Variants in USH2A observed in about 807,000 individuals in gnomAD.
USH2A encodes the protein Usher syndrome 2A (autosomal recessive, mild).
A neutral mutation model predicts 538.9 loss-of-function variants in USH2A; 443 were observed. The observed-to-expected ratio is 0.82, with a 90% CI of 0.76 to 0.89. The LOEUF (loss-of-function observed/expected upper bound fraction) is 0.89. Ranked by LOEUF, USH2A falls within the 40% of genes least tolerant of loss-of-function variation. The probability of loss-of-function intolerance (pLI) is 0.00; values close to 1 mark genes in which losing one functional copy is unlikely to be tolerated. For synonymous variants in USH2A, 2,413 were observed against 2,273.5 expected (o/e 1.06, Z -1.75); for missense variants, 6,633 against 6,324.8 (o/e 1.05, Z -1.65).
At chr1:216,022,506 C>A (rs1482571306) in intron 32 of USH2A, among the ~76,000 whole-genome samples, 2 of 152,188 alleles carry the variant, frequency 1.3e-5, no homozygotes, top group Middle Eastern at 3.4e-3. Context: ...ATTCTGAGAG[C>A]CTTGGCTAGT....
intron 40 of USH2A, among the ~76,000 whole-genome samples, 184 bp downstream of exon 40, chr1:215,899,891 C>T (rs773904700): frequency 9.2e-5 from 14 of 152,134 alleles, no homozygotes; most frequent in Admixed American, 2.6e-4. Flanking sequence ...CCCTCCAAGA[C>T]CACATTATTC....
chr1:216,165,232 A>G (rs1382937372), intron 21 of USH2A, among the ~76,000 whole-genome samples: 1 of 152,186 alleles, frequency 6.6e-6, no homozygotes, highest in Non-Finnish European at 1.5e-5. Flanking sequence ...ACCTATTGCA[A>G]TAAGCCCTAA....
chr1:216,239,529 T>C (rs1303339189), intron 13 of USH2A, among the ~76,000 whole-genome samples: 4 of 152,204 alleles, frequency 2.6e-5, no homozygotes, highest in Admixed American at 2.0e-4. Flanking sequence ...AGAAATGATC[T>C]GAAGACTTGT....
intron 3 of USH2A, among the ~76,000 whole-genome samples, chr1:216,389,010 A>G (rs1571770192): frequency 6.6e-6 from 1 of 152,240 alleles, no homozygotes; most frequent in South Asian, 2.1e-4. Context: ...AATATTAAAA[A>G]TAGTGACAGA....
chr1:215,788,390 C>T (rs899395500), intron 51 of USH2A, among the ~76,000 whole-genome samples: 1 of 152,130 alleles, frequency 6.6e-6, no homozygotes, highest in African/African-American at 2.4e-5. Flanking sequence ...CAATTGTCCC[C>T]TCTTGCGCCT....
chr1:215,818,498 C>A (rs939618359), intron 47 of USH2A, among the ~76,000 whole-genome samples: 1 of 151,182 alleles, frequency 6.6e-6, no homozygotes, highest in Non-Finnish European at 1.5e-5. Flanking sequence ...AATATGTTTA[C>A]ATTGTCATGT....
intron 21 of USH2A, among the ~76,000 whole-genome samples, chr1:216,154,516 T>C (rs2033900760): frequency 6.6e-6 from 1 of 152,182 alleles, no homozygotes; most frequent in Admixed American, 6.5e-5. Context: ...GGAGAATATT[T>C]TATTAATTTT....
At chr1:216,418,736 T>A in intron 2 of USH2A, 57 bp from the exon 3 acceptor site, 1 of 1,594,242 alleles carries the variant, frequency 6.3e-7, no homozygotes, top group Non-Finnish European at 8.6e-7. Flanking sequence ...AAAGACATGC[T>A]AAGGTATTGT....
intron 32 of USH2A, among the ~76,000 whole-genome samples, chr1:216,022,417 C>G (rs1161128456): frequency 1.3e-5 from 2 of 152,126 alleles, no homozygotes; most frequent in African/African-American, 4.8e-5. Context: ...AGCCCATGCA[C>G]TGGAAAACAT....
intron 69 of USH2A, among the ~76,000 whole-genome samples, chr1:215,635,313 A>G (rs984006015): frequency 5.9e-5 from 9 of 152,180 alleles, no homozygotes; most frequent in African/African-American, 2.2e-4. Context: ...TCAGCAAACC[A>G]TCACCCAAAT....
At chr1:215,794,417 G>A (rs1188597957) in intron 50 of USH2A, among the ~76,000 whole-genome samples, 1 of 152,164 alleles carries the variant, frequency 6.6e-6, no homozygotes, top group Admixed American at 6.5e-5. Context: ...GCTTAGGAAC[G>A]ATATTATGAG....
chr1:216,151,393 C>T (rs1443526203), intron 21 of USH2A, among the ~76,000 whole-genome samples: 3 of 152,166 alleles, frequency 2.0e-5, no homozygotes, highest in African/African-American at 4.8e-5. Context: ...CCCCAAAATT[C>T]AATTTGCAAA....
At chr1:215,637,303 TA>T (rs1187477527) in intron 69 of USH2A, among the ~76,000 whole-genome samples, 4 of 152,144 alleles carry the variant, frequency 2.6e-5, no homozygotes, top group African/African-American at 9.7e-5. Context: ...AGGACTTATT[TA>T]AAGAGCAGAT....
rs184138138 is a variant in USH2A, at chr1:216,422,474, G to A, written c.-138C>T. 1.4e-5 allele frequency: 18 copies of A among 1,273,314 alleles called. No individual in the cohort carries two copies. Among genetic ancestry groups the A allele is most frequent in the East Asian group, 1.3e-4 (5 of 39,676 alleles). The allele number at this position is 1,273,314 out of a possible 1,614,324, so 78.9% of individuals were successfully genotyped here. A position where few individuals can be genotyped will look rare whatever the true frequency, so the allele number is the denominator to read the frequency against. On this transcript the variant is annotated 5_prime_UTR_variant, in exon 2 of 72. The change creates a new upstream start codon in the 5' untranslated region. Coordinates refer to ENST00000307340, the MANE Select transcript of USH2A (RefSeq NM_206933.4). ...TCCATTTTCTGGAAACTGCAGACAC[G>A]TTCTCAGAGTAAGGTAATACCAACG...
intron 58 of USH2A, among the ~76,000 whole-genome samples, chr1:215,750,799 T>C (rs1178664649): frequency 1.3e-5 from 2 of 152,110 alleles, no homozygotes; most frequent in African/African-American, 4.8e-5. Flanking sequence ...TTGGAGTGTC[T>C]AAATTGACCT....
chr1:216,239,467 G>A (rs552379379), intron 13 of USH2A, among the ~76,000 whole-genome samples: 1 of 152,162 alleles, frequency 6.6e-6, no homozygotes, highest in East Asian at 1.9e-4. Flanking sequence ...GCCTGAGATA[G>A]AGCATTGAAC....
intron 44 of USH2A, among the ~76,000 whole-genome samples, chr1:215,848,734 C>T (rs936441805): frequency 2.6e-5 from 4 of 152,196 alleles, no homozygotes; most frequent in Admixed American, 6.5e-5. Flanking sequence ...TGCTTCAACA[C>T]TTGTTTCTCC....
At chr1:216,096,833 T>A (rs966721934) in intron 22 of USH2A, among the ~76,000 whole-genome samples, 1 of 152,192 alleles carries the variant, frequency 6.6e-6, no homozygotes, top group Non-Finnish European at 1.5e-5. Context: ...TAAGGTGGCA[T>A]TTTGGTTGTT....
chr1:215,737,187 T>C (rs892196110), intron 60 of USH2A, among the ~76,000 whole-genome samples: 5 of 151,664 alleles, frequency 3.3e-5, no homozygotes, highest in East Asian at 1.9e-4. Context: ...CCAAAGAAAA[T>C]TGCAGAACAA....
Sources: gnomAD v4.1 joint callset for allele counts (sites outside exome capture counted in the v4.1 genomes callset) on GRCh38, gnomAD v4.1.1 for gene constraint, MANE v1.5 for transcripts, NCBI Gene and HGNC (gene_info 2026-07-23, HGNC 2026-07-21) for gene names.